Variants in PFKP observed in about 807,000 individuals in gnomAD.
PFKP encodes the protein ATP-dependent 6-phosphofructokinase, platelet type.
PFKP carries 101 observed loss-of-function variants against 94.3 expected under a neutral mutation model. The observed-to-expected ratio is 1.07, with a 90% CI of 0.91 to 1.26. The LOEUF (loss-of-function observed/expected upper bound fraction) is 1.26. Ranked by LOEUF, PFKP falls within the 50% of genes most tolerant of loss-of-function variation. The pLI is 0.00. For synonymous variants in PFKP, 573 were observed against 432.6 expected (o/e 1.32, Z -4.03); for missense variants, 1,145 against 1,103.3 (o/e 1.04, Z -0.53).
At chr10:3,108,878 G>T in intron 9 of PFKP, 85 bp downstream of exon 9, 1 of 984,630 alleles carries the variant, frequency 1.0e-6, no homozygotes, top group South Asian at 1.3e-5. Context: ...CGGCCACAGA[G>T]GCTGGCAAGG....
In PFKP at chr10:3,118,636, C is replaced by G. The variant is rs549784993; in HGVS notation, c.1443-146C>G. The G allele has an allele frequency of 1.4e-5, 8 of 588,272 alleles. No individual in the cohort carries two copies. In the East Asian group the frequency reaches 2.1e-4, roughly 15 times the overall value. 36.4% of individuals were successfully genotyped at this position (588,272 alleles called of 1,614,324 possible). ...TCATTCTGCCATCTGCCAGCCACAA[C>G]GGCATGAGTGAAAAGGCAGACGTTT... On this transcript the variant is annotated intron_variant, in intron 14 of 21. Transcript: ENST00000381125.
At chr10:3,084,300 C>CG (rs1833316156) in intron 2 of PFKP, among the ~76,000 whole-genome samples, 1 of 152,180 alleles carries the variant, frequency 6.6e-6, no homozygotes, top group Non-Finnish European at 1.5e-5. Flanking sequence ...CTGTGTGCGG[C>CG]GGCCTTCTGA....
chr10:3,119,771 C>T (rs1384940195), intron 15 of PFKP, 121 bp from the exon 16 acceptor site: 6 of 634,260 alleles, frequency 9.5e-6, no homozygotes, highest in African/African-American at 5.1e-5. Context: ...GGAGTGTTTT[C>T]GTGATGCCCC....
At position 3,134,595 on chromosome 10, in the gene PFKP, G is replaced by C; in HGVS notation, c.2122+13G>C. On this transcript the variant is annotated intron_variant, in intron 20 of 21. Transcript: ENST00000381125. ...GCCCGGGGCAGAGGTAAGGGGTCTG[G>C]GGAGGGAGGCCACAGCCTCGTGATG... The C allele has an allele frequency of 6.4e-7, 1 of 1,563,352 alleles. No homozygotes were observed. Among genetic ancestry groups the C allele is most frequent in the Non-Finnish European group, 8.8e-7 (1 of 1,134,436 alleles).
At position 3,129,961 on chromosome 10, in the gene PFKP, C is replaced by G. The variant is rs1838389216; in HGVS notation, c.1826C>G (p.Pro609Arg). The change falls in exon 17 of 22, where the codon CCC becomes CGC. Residue 609 changes from proline to arginine, a missense_variant. By Grantham distance (103) the Pro-to-Arg change is moderately radical (BLOSUM62 -2). Around this residue, in one of 3 missense-constraint regions of PFKP, gnomAD observed 1,119 missense variants for 1,062.8 expected, o/e 1.05. Coordinates refer to ENST00000381125, the MANE Select transcript of PFKP (RefSeq NM_002627.5). ...GADAAYIFEE[P>R]FDIRDLQSNV... ...GATGCCGCATACATTTTCGAAGAGC[C>G]CTTCGACATCAGGGATCTGCAGGTA... 6.3e-7 allele frequency: 1 copy of G among 1,588,502 alleles called. No individual in the cohort carries two copies. Among genetic ancestry groups the G allele is most frequent in the African/African-American group, 1.3e-5 (1 of 74,602 alleles).
intron 14 of PFKP, 30 bp from the exon 15 acceptor site, chr10:3,118,752 T>A: frequency 5.1e-6 from 8 of 1,561,840 alleles, no homozygotes; most frequent in Non-Finnish European, 6.2e-6. Context: ...TTGGGGTGTC[T>A]GACATCGTTC....
At chr10:3,093,117 G>C (rs1834185832) in intron 2 of PFKP, among the ~76,000 whole-genome samples, 1 of 152,206 alleles carries the variant, frequency 6.6e-6, no homozygotes, top group Non-Finnish European at 1.5e-5. Flanking sequence ...TGTGGAAGGG[G>C]CTGGCCGTGG....
intron 2 of PFKP, among the ~76,000 whole-genome samples, chr10:3,092,978 G>A (rs1003936122): frequency 2.7e-5 from 4 of 150,272 alleles, no homozygotes; most frequent in East Asian, 3.9e-4. Flanking sequence ...GATGGGGGTA[G>A]GGGGGTGGCC....
At chr10:3,127,171 GGA>G (rs996282148) in intron 16 of PFKP, among the ~76,000 whole-genome samples, 1 of 152,246 alleles carries the variant, frequency 6.6e-6, no homozygotes, top group Non-Finnish European at 1.5e-5. Context: ...TAGGTAATGA[GGA>G]GAGAGTTCAG....
rs200563189 is a variant in PFKP at position 3,136,593 on chromosome 10, G to C, written c.*14G>C. The stretch of plus-strand genomic sequence containing the variant: ...TGGAGTGTCTGACCCAGTCCCGCCT[G>C]CATGTGCCTGCAGCCACCGTGGACT... On this transcript the variant is annotated 3_prime_UTR_variant, in exon 22 of 22. Transcript: ENST00000381125. 3 of 1,612,398 alleles carry C rather than the reference G, an allele frequency of 1.9e-6. No individual in the cohort carries two copies. Among genetic ancestry groups the C allele is most frequent in the African/African-American group, 2.7e-5 (2 of 74,984 alleles).
chr10:3,106,097 C>G (rs12769988), intron 7 of PFKP, among the ~76,000 whole-genome samples: 31,987 of 127,570 alleles, frequency 0.25, 6,714 homozygotes, highest in East Asian at 0.47. Flanking sequence ...CTGCTGGAGC[C>G]TGTGTGCAAT....
At chr10:3,127,688 T>C (rs555100210) in intron 16 of PFKP, among the ~76,000 whole-genome samples, 1 of 152,344 alleles carries the variant, frequency 6.6e-6, no homozygotes, top group South Asian at 2.1e-4. Flanking sequence ...CTTTGGACCC[T>C]TGACGGGGAT....
intron 18 of PFKP, among the ~76,000 whole-genome samples, chr10:3,132,660 A>T (rs1212306070): frequency 6.6e-6 from 1 of 152,204 alleles, no homozygotes; most frequent in Non-Finnish European, 1.5e-5. Flanking sequence ...TTATTCTTTG[A>T]TATCTTGCAA....
At chr10:3,093,477 T>G (rs956397367) in intron 2 of PFKP, among the ~76,000 whole-genome samples, 1 of 152,170 alleles carries the variant, frequency 6.6e-6, no homozygotes, top group Non-Finnish European at 1.5e-5. Context: ...CCAGAGCCCA[T>G]GCCTTCCACT....
At chr10:3,105,895 T>C (rs1015100518) in intron 7 of PFKP, among the ~76,000 whole-genome samples, 1 of 152,158 alleles carries the variant, frequency 6.6e-6, no homozygotes, top group African/African-American at 2.4e-5. Flanking sequence ...ATCCACATCA[T>C]GGAGTGGTCG....
intron 2 of PFKP, among the ~76,000 whole-genome samples, chr10:3,097,925 C>T (rs562194771): frequency 1.3e-5 from 2 of 152,284 alleles, no homozygotes; most frequent in South Asian, 4.1e-4. Flanking sequence ...AGGAGAATTG[C>T]TTGAACCTGG....
intron 1 of PFKP, among the ~76,000 whole-genome samples, chr10:3,079,400 A>G (rs1288689919): frequency 1.3e-5 from 2 of 151,756 alleles, no homozygotes; most frequent in Non-Finnish European, 2.9e-5. Flanking sequence ...ACGCCTGGCT[A>G]ATTTTTTGTA....
chr10:3,099,592 C>T (rs1294009552), intron 3 of PFKP, among the ~76,000 whole-genome samples: 1 of 152,232 alleles, frequency 6.6e-6, no homozygotes, highest in Non-Finnish European at 1.5e-5. Context: ...GCTGAAGACG[C>T]TCATGGGGCC....
chr10:3,074,846 G>A (rs899161093), intron 1 of PFKP, among the ~76,000 whole-genome samples: 2 of 152,144 alleles, frequency 1.3e-5, no homozygotes, highest in Non-Finnish European at 1.5e-5. Context: ...CGGGGAGACC[G>A]TAACCCAGCG....
Sources: allele counts gnomAD v4.1 joint callset (sites outside exome capture counted in the v4.1 genomes callset), GRCh38; gene constraint gnomAD v4.1.1; regional missense constraint gnomAD v4.1.1; transcripts MANE v1.5; gene names NCBI Gene and HGNC (gene_info 2026-07-23, HGNC 2026-07-21).